The following RBFOX1 variants were observed in gnomAD, a reference collection of about 807,000 sequenced individuals.
RBFOX1 encodes RNA binding protein fox-1 homolog 1.
A neutral mutation model predicts 57.7 loss-of-function variants in RBFOX1; 8 were observed. The ratio of observed to expected loss-of-function variants is 0.14; its 90% CI spans 0.08 to 0.25. RBFOX1 has a LOEUF of 0.25. Among genes scored for constraint, RBFOX1 ranks in the 10% least tolerant of loss-of-function variants. The pLI, the probability that RBFOX1 is intolerant of heterozygous loss-of-function variation, is 1.00. For missense variants in RBFOX1, 611 were observed against 548.5 expected, an observed-to-expected ratio of 1.11 and a Z score of -1.14; for synonymous variants, 326 against 222.4, an observed-to-expected ratio of 1.47 and a Z score of -4.15.
rs560487862 is a variant in RBFOX1, at chr16:7,518,450, T to C, written c.270+61T>C. The C allele has an allele frequency of 1.7e-5, 26 of 1,543,268 alleles. No homozygotes were observed. In the African/African-American group the frequency reaches 2.8e-4, roughly 17 times the overall value. Reference sequence around the variant, plus strand: ...GGGGAGGCGCCCCCAGCCCTGGTAATGGCAGCGGGGGTGCACCCCCATCTA... The same window carrying C: ...GGGGAGGCGCCCCCAGCCCTGGTAACGGCAGCGGGGGTGCACCCCCATCTA... On this transcript the variant is annotated intron_variant, in intron 5 of 15. Coordinates refer to ENST00000550418, the MANE Select transcript of RBFOX1 (RefSeq NM_018723.4).
chr16:6,402,103 A>C (rs968443449), intron 2 of RBFOX1, among the ~76,000 whole-genome samples: 27 of 152,206 alleles, frequency 1.8e-4, no homozygotes, highest in African/African-American at 6.5e-4. Flanking sequence ...AGAAAAAAAA[A>C]AAAAAGCATT....
At chr16:7,284,031 C>G (rs1170530569) in intron 4 of RBFOX1, among the ~76,000 whole-genome samples, 2 of 152,200 alleles carry the variant, frequency 1.3e-5, no homozygotes, top group Non-Finnish European at 2.9e-5. Flanking sequence ...CAAATGGAAT[C>G]AGAAGTACGT....
intron 2 of RBFOX1, among the ~76,000 whole-genome samples, chr16:5,572,574 C>G (rs2046317780): frequency 6.6e-6 from 1 of 152,162 alleles, no homozygotes; most frequent in South Asian, 2.1e-4. Context: ...CAAATGGTCC[C>G]TGGTAGTCAA....
At chr16:6,269,748 A>T (rs950953922) in intron 1 of RBFOX1, among the ~76,000 whole-genome samples, 1 of 152,198 alleles carries the variant, frequency 6.6e-6, no homozygotes, top group African/African-American at 2.4e-5. Context: ...GAAATTTTCT[A>T]AACAGAAAGG....
intron 3 of RBFOX1, among the ~76,000 whole-genome samples, chr16:5,676,280 C>G (rs888062058): frequency 6.6e-6 from 1 of 152,032 alleles, no homozygotes; most frequent in African/African-American, 2.4e-5. Flanking sequence ...GAAAACATCA[C>G]ACCTTTTTAC....
chr16:7,619,052 T>G (rs1234377701), intron 10 of RBFOX1, among the ~76,000 whole-genome samples: 1 of 152,204 alleles, frequency 6.6e-6, no homozygotes, highest in African/African-American at 2.4e-5. Context: ...AAACAAGGAT[T>G]ATTCAAAGAA....
intron 3 of RBFOX1, among the ~76,000 whole-genome samples, chr16:6,812,192 C>T (rs1040072034): frequency 3.3e-5 from 5 of 152,104 alleles, no homozygotes; most frequent in East Asian, 1.9e-4. Flanking sequence ...TTTATTTGTC[C>T]TCCTGTTAGA....
intron 2 of RBFOX1, among the ~76,000 whole-genome samples, chr16:6,613,199 C>G (rs1260835299): frequency 6.6e-6 from 1 of 152,104 alleles, no homozygotes; most frequent in Non-Finnish European, 1.5e-5. Flanking sequence ...TTAGCATCAG[C>G]TTCCAAGCAG....
chr16:7,367,599 C>T (rs906174257), intron 4 of RBFOX1, among the ~76,000 whole-genome samples: 2 of 152,288 alleles, frequency 1.3e-5, no homozygotes, highest in Non-Finnish European at 2.9e-5. Flanking sequence ...TAGTCTCTAA[C>T]TCCAGACTCT....
intron 2 of RBFOX1, among the ~76,000 whole-genome samples, chr16:6,469,291 G>A (rs983312197): frequency 2.0e-5 from 3 of 152,180 alleles, no homozygotes; most frequent in Admixed American, 6.5e-5. Context: ...TCACAAGCCA[G>A]TGACTTTCTC....
At chr16:6,827,286 T>A (rs1277574027) in intron 3 of RBFOX1, among the ~76,000 whole-genome samples, 1 of 152,176 alleles carries the variant, frequency 6.6e-6, no homozygotes, top group East Asian at 1.9e-4. Flanking sequence ...TTGAAAGTGC[T>A]GTCCTCCAAA....
At chr16:7,570,560 C>G (rs974414836) in intron 5 of RBFOX1, among the ~76,000 whole-genome samples, 2 of 152,160 alleles carry the variant, frequency 1.3e-5, no homozygotes. Context: ...CAGCTAGGCT[C>G]AGAAGGATGT....
intron 2 of RBFOX1, among the ~76,000 whole-genome samples, chr16:6,325,214 C>T (rs1234589288): frequency 1.3e-5 from 2 of 152,006 alleles, no homozygotes; most frequent in Non-Finnish European, 2.9e-5. Flanking sequence ...AAAAAATTAT[C>T]CAGGCATGGT....
intron 1 of RBFOX1, among the ~76,000 whole-genome samples, chr16:5,376,430 G>C (rs1268673525): frequency 1.3e-5 from 2 of 152,132 alleles, no homozygotes; most frequent in African/African-American, 4.8e-5. Context: ...AGGTGTATAG[G>C]GGAAGGAGCG....
chr16:7,569,057 C>T (rs567000354), intron 5 of RBFOX1, among the ~76,000 whole-genome samples: 1 of 152,056 alleles, frequency 6.6e-6, no homozygotes, highest in African/African-American at 2.4e-5. Flanking sequence ...ACTTTCCTCC[C>T]TTTTAAACCC....
chr16:7,157,316 A>G (rs2077360530), intron 4 of RBFOX1, among the ~76,000 whole-genome samples: 1 of 152,180 alleles, frequency 6.6e-6, no homozygotes, highest in African/African-American at 2.4e-5. Context: ...CACAGGACAA[A>G]CTATCACAGA....
At chr16:6,712,193 C>A (rs980367450) in intron 3 of RBFOX1, among the ~76,000 whole-genome samples, 2 of 152,150 alleles carry the variant, frequency 1.3e-5, no homozygotes, top group African/African-American at 4.8e-5. Flanking sequence ...TATTTACTAT[C>A]AGAGGCTGTT....
At chr16:5,832,328 T>G (rs977134924) in intron 3 of RBFOX1, among the ~76,000 whole-genome samples, 23 of 151,974 alleles carry the variant, frequency 1.5e-4, no homozygotes, top group Non-Finnish European at 3.1e-4. Context: ...TAGGGAAGGG[T>G]GAATCCACAG....
At chr16:6,856,473 C>G (rs990331942) in intron 3 of RBFOX1, among the ~76,000 whole-genome samples, 1 of 152,034 alleles carries the variant, frequency 6.6e-6, no homozygotes, top group Non-Finnish European at 1.5e-5. Context: ...CCTTTAAACC[C>G]AGGATATAAA....
Sources: gnomAD v4.1 joint callset for allele counts (sites outside exome capture counted in the v4.1 genomes callset) on GRCh38, gnomAD v4.1.1 for gene constraint, MANE v1.5 for transcripts, NCBI Gene and HGNC (gene_info 2026-07-23, HGNC 2026-07-21) for gene names.